XPA: variants seen among roughly 807,000 people sequenced by gnomAD.
XPA encodes the protein XPA, DNA damage recognition and repair factor, also known as DNA repair protein complementing XP-A cells.
A neutral mutation model predicts 35.7 loss-of-function variants in XPA; 27 were observed. The ratio of observed to expected loss-of-function variants is 0.76; its 90% CI spans 0.56 to 1.04. The LOEUF (loss-of-function observed/expected upper bound fraction) is 1.04. Ranked by LOEUF, XPA falls within the 50% of genes least tolerant of loss-of-function variation. The probability of loss-of-function intolerance (pLI) is 0.00; values close to 1 mark genes in which losing one functional copy is unlikely to be tolerated. For synonymous variants in XPA, 133 were observed against 118.4 expected (o/e 1.12, Z -0.80); for missense variants, 354 against 342.7 (o/e 1.03, Z -0.26).
At chr9:97,655,274 G>A in the XPA span, among the ~76,000 whole-genome samples, 1 of 152,128 alleles carries the variant, frequency 6.6e-6, no homozygotes, top group Non-Finnish European at 1.5e-5. Flanking sequence ...GCAGTGGGAT[G>A]AGCATAGCTC....
the XPA span, chr9:97,661,115 C>G: frequency 6.2e-7 from 1 of 1,600,056 alleles, no homozygotes; most frequent in Non-Finnish European, 8.5e-7. Flanking sequence ...TATAGGCCAA[C>G]TTAAAGCATA....
At chr9:97,677,145 C>A (rs1828392407) in intron 5 of XPA, among the ~76,000 whole-genome samples, 2 of 152,056 alleles carry the variant, frequency 1.3e-5, no homozygotes, top group Admixed American at 1.3e-4. Context: ...AAACTAACTT[C>A]TCTGCCTAAT....
chr9:97,658,603 T>C, the XPA span: 1 of 1,498,470 alleles, frequency 6.7e-7, no homozygotes, highest in Non-Finnish European at 9.3e-7. Flanking sequence ...ATGGGACTGA[T>C]AAAAGATATT....
the XPA span, among the ~76,000 whole-genome samples, chr9:97,667,466 G>A: frequency 1.3e-5 from 2 of 152,162 alleles, no homozygotes; most frequent in Non-Finnish European, 2.9e-5. Flanking sequence ...GCAAGTTTGA[G>A]TACCAGTCTC....
rs1460704843 is a variant in XPA at position 97,697,155 on chromosome 9, C to T, written c.138G>A (p.Arg46=). Residue 46 remains arginine (R), a synonymous_variant, in exon 1 of 6, where the codon CGG becomes CGA. Coordinates refer to ENST00000375128, the MANE Select transcript of XPA (RefSeq NM_000380.4). ...CCGCAGCCGCCGTCGCCGAGTAGGGCCGGGCAGCCAGCCGGGCCTGGCGCA... is the reference window on the plus strand; with the variant it reads ...CCGCAGCCGCCGTCGCCGAGTAGGGTCGGGCAGCCAGCCGGGCCTGGCGCA... ...LMLRQARLAA[R]PYSATAAAAT... The T allele has an allele frequency of 6.4e-7, 1 of 1,568,864 alleles. No homozygotes were observed. Among genetic ancestry groups the T allele is most frequent in the African/African-American group, 1.4e-5 (1 of 72,982 alleles).
At chr9:97,669,775 C>T in the XPA span, 1 of 1,176,206 alleles carries the variant, frequency 8.5e-7, no homozygotes, top group Non-Finnish European at 1.3e-6. Context: ...TAAAAAAAAT[C>T]CTTGTCAAAT....
At chr9:97,671,053 C>A, downstream of XPA, 1 of 1,434,828 alleles carries the variant, frequency 7.0e-7, no homozygotes, top group Non-Finnish European at 9.8e-7. Flanking sequence ...ATGCTTTTTC[C>A]TGACCTAACT....
intron 1 of XPA, 109 bp downstream of exon 1, chr9:97,697,012 C>T: frequency 1.3e-5 from 18 of 1,369,338 alleles, no homozygotes; most frequent in Non-Finnish European, 1.6e-5. Context: ...CACACATACG[C>T]CAGCGGAGTT....
chr9:97,663,162 T>C, the XPA span: 2 of 763,442 alleles, frequency 2.6e-6, no homozygotes, highest in Non-Finnish European at 4.4e-6. Context: ...GCCTAGATAA[T>C]GGTTTTTAGA....
the XPA span, among the ~76,000 whole-genome samples, chr9:97,656,722 C>T: frequency 2.0e-5 from 3 of 152,058 alleles, no homozygotes; most frequent in Admixed American, 1.3e-4. Flanking sequence ...CCTAGAGACC[C>T]ATTACGTTGG....
intron 5 of XPA, among the ~76,000 whole-genome samples, chr9:97,680,799 A>G (rs1357839374): frequency 6.6e-6 from 1 of 152,198 alleles, no homozygotes; most frequent in Non-Finnish European, 1.5e-5. Flanking sequence ...GAAGAGTGAA[A>G]AAAGGTCTGT....
the XPA span, chr9:97,669,538 T>C: frequency 2.6e-5 from 33 of 1,262,652 alleles, no homozygotes; most frequent in Middle Eastern, 5.7e-4. Context: ...TGAATTTTTT[T>C]CCAAAGTATA....
At chr9:97,682,052 C>T in intron 5 of XPA, 1 of 237,510 alleles carries the variant, frequency 4.2e-6, no homozygotes, top group Non-Finnish European at 7.8e-6. Context: ...TCTTGTCTTT[C>T]ACCTTATTTT....
At chr9:97,680,356 AC>A (rs1280584436) in intron 5 of XPA, among the ~76,000 whole-genome samples, 3 of 152,098 alleles carry the variant, frequency 2.0e-5, no homozygotes, top group Non-Finnish European at 2.9e-5. Flanking sequence ...CTACAGGCAC[AC>A]ACCATCATGC....
At chr9:97,659,325 C>T in the XPA span, among the ~76,000 whole-genome samples, 1 of 152,150 alleles carries the variant, frequency 6.6e-6, no homozygotes, top group Non-Finnish European at 1.5e-5. Context: ...TTGCAGATTA[C>T]ACTTAACACA....
At chr9:97,671,566 C>T (rs1349073167), downstream of XPA, 2 of 160,744 alleles carry the variant, frequency 1.2e-5, no homozygotes, top group African/African-American at 2.4e-5. Context: ...TACCCAGTAG[C>T]ATAACTTTTC....
At chr9:97,657,737 G>T in the XPA span, among the ~76,000 whole-genome samples, 1 of 151,912 alleles carries the variant, frequency 6.6e-6, no homozygotes, top group Admixed American at 6.6e-5. Context: ...TGTAAGAGCT[G>T]TCCTTTCTCC....
At chr9:97,682,245 A>G (rs1828567134) in intron 5 of XPA, 1 of 516,190 alleles carries the variant, frequency 1.9e-6, no homozygotes, top group Non-Finnish European at 3.9e-6. Context: ...GTGGATCAAA[A>G]TCAGAAGACC....
chr9:97,679,872 A>T (rs1007145197), intron 5 of XPA, among the ~76,000 whole-genome samples: 1 of 152,198 alleles, frequency 6.6e-6, no homozygotes, highest in African/African-American at 2.4e-5. Context: ...AAATGCTCAA[A>T]CACATCACCT....
Sources: allele counts gnomAD v4.1 joint callset (sites outside exome capture counted in the v4.1 genomes callset), GRCh38; gene constraint gnomAD v4.1.1; transcripts MANE v1.5; gene names NCBI Gene and HGNC (gene_info 2026-07-23, HGNC 2026-07-21).